The following MASP2 variants were observed in gnomAD, a reference collection of about 807,000 sequenced individuals.
MASP2 encodes MBL associated serine protease 2, also known as mannan-binding lectin serine protease 2.
Under a neutral mutation model 57.1 loss-of-function variants are expected in MASP2, and 49 were observed. That is an observed-to-expected ratio of 0.86 (90% CI 0.68 to 1.09). The LOEUF (loss-of-function observed/expected upper bound fraction) is 1.09. Ranked by LOEUF, MASP2 falls within the 50% of genes least tolerant of loss-of-function variation. The pLI is 0.00. For synonymous variants in MASP2, 379 were observed against 340.8 expected, an observed-to-expected ratio of 1.11 and a Z score of -1.24; for missense variants, 900 against 874.8, an observed-to-expected ratio of 1.03 and a Z score of -0.36.
chr1:11,034,934 T>A, intron 7 of MASP2, 28 bp from the exon 8 acceptor site: 1 of 1,488,638 alleles, frequency 6.7e-7, no homozygotes, highest in Non-Finnish European at 9.3e-7. Flanking sequence ...ATATATTAAT[T>A]TCCTTGTTTA....
At position 11,028,697 on chromosome 1, in the gene MASP2, G is replaced by GT. The variant is rs1208974169; in HGVS notation, c.1298-1050dup. Among the ~76,000 whole-genome samples the GT allele has an allele frequency of 7.4e-3, 268 of 36,100 alleles. 4 individuals carry two copies. Among genetic ancestry groups the GT allele is most frequent in the South Asian group, 0.032 (40 of 1,246 alleles). 23.7% of individuals were successfully genotyped at this position (36,100 alleles called of 152,430 possible). ...AATTAATATATTACTATCTTTCTGG[G>GT]TTTTTTTTCTTTTTTTTTTTTTTTT... is the stretch of plus-strand genomic sequence containing the variant. On this transcript the variant is annotated intron_variant, in intron 10 of 10. Coordinates refer to ENST00000400897, the MANE Select transcript of MASP2 (RefSeq NM_006610.4).
rs1318113137 is a variant in MASP2 at position 11,046,636 on chromosome 1, G to C, written c.332C>G (p.Ser111Cys). The change falls in exon 3 of 11, where the codon TCC becomes TGC. Residue 111 changes from serine to cysteine, a missense_variant. Transcript: ENST00000400897. ...GGAGCGGAAGGTAATGTCCAGGCTG[G>C]AGCCCAGCGAGTAGAAAGTGTCCTT... Reference protein sequence around the residue: ...PGKDTFYSLGSSLDITFRSDY... With the variant: ...PGKDTFYSLGCSLDITFRSDY... The C allele has an allele frequency of 3.7e-6, 6 of 1,613,532 alleles. No homozygotes were observed.
At position 11,030,732 on chromosome 1, in the gene MASP2, T is replaced by A. The variant is rs528482424; in HGVS notation, c.1222+16A>T. Reference sequence around the variant, plus strand: ...TCCAAGTATTGCCCACCCCCAACTTTGAAGAATTTGCATACCATCATTCAC... The same window carrying A: ...TCCAAGTATTGCCCACCCCCAACTTAGAAGAATTTGCATACCATCATTCAC... On this transcript the variant is annotated intron_variant, in intron 9 of 10. Transcript: ENST00000400897. 10 of 1,586,274 alleles carry A rather than the reference T, an allele frequency of 6.3e-6. No individual in the cohort carries two copies. The East Asian group carries it at 2.3e-4, about 36-fold the overall frequency.
At chr1:11,046,486 G>T in intron 3 of MASP2, 70 bp downstream of exon 3, 1 of 1,559,622 alleles carries the variant, frequency 6.4e-7, no homozygotes, top group Non-Finnish European at 8.8e-7. Flanking sequence ...AGGGCTGCCT[G>T]GCCTAAGACA....
At position 11,030,897 on chromosome 1, in the gene MASP2, T is replaced by G. The variant is rs1570737963; in HGVS notation, c.1088-15A>C. On this transcript the variant is annotated splice_polypyrimidine_tract_variant and intron_variant, in intron 8 of 10. Transcript: ENST00000400897. ...ACAGTCAACAACTAAGAAAGAAGCA[T>G]GGGAGGGAGGAATCCATTGATCATT... 1.9e-6 allele frequency: 3 copies of G among 1,609,674 alleles called. No individual in the cohort carries two copies. Among genetic ancestry groups the G allele is most frequent in the Non-Finnish European group, 2.5e-6 (3 of 1,178,384 alleles).
At chr1:11,038,414 G>A (rs191184969) in intron 6 of MASP2, among the ~76,000 whole-genome samples, 1 of 152,290 alleles carries the variant, frequency 6.6e-6, no homozygotes, top group East Asian at 1.9e-4. Context: ...AAAACCGGCT[G>A]ACAGACTTGA....
At chr1:11,029,001 CT>C (rs1177051448) in intron 10 of MASP2, among the ~76,000 whole-genome samples, 3 of 129,990 alleles carry the variant, frequency 2.3e-5, no homozygotes, top group African/African-American at 2.8e-5. Flanking sequence ...TTCTTTTTCT[CT>C]TTTTTTTTGA....
Position 11,027,215 on chromosome 1 carries a change from T to G in MASP2, c.1731A>C (p.Gln577His), listed in dbSNP as rs144471433. 1.7e-3 allele frequency: 2,792 copies of G among 1,614,208 alleles called. 67 individuals are homozygous for G. In the East Asian group the frequency reaches 0.05, roughly 29 times the overall value. Residue 577 changes from glutamine to histidine, a missense_variant, in exon 11 of 11, where the codon CAA (glutamine) becomes CAC (histidine). Transcript: ENST00000400897. ...TTAGATTTCTAGCAAGAAAACCCCT[T>G]TGGGTTAATCCCCATCCAGATGCAG... ...IGTASGWGLT[Q>H]RGFLARNLMY...
intron 7 of MASP2, among the ~76,000 whole-genome samples, chr1:11,036,219 A>C (rs1268240370): frequency 1.3e-5 from 2 of 152,142 alleles, no homozygotes; most frequent in Non-Finnish European, 1.5e-5. Flanking sequence ...GAAACTAAAG[A>C]AGTCGCCGGG....
At chr1:11,044,767 C>CCCA in intron 4 of MASP2, 1 of 1,235,662 alleles carries the variant, frequency 8.1e-7, no homozygotes, top group Non-Finnish European at 1.1e-6. Context: ...CGCCTCCCGA[C>CCCA]CCTCCCACCC....
In MASP2 at chr1:11,031,477, C is replaced by T. The variant is rs578109482; in HGVS notation, c.1088-595G>A. 3.7e-4 allele frequency among the ~76,000 whole-genome samples: 48 copies of T among 131,372 alleles called. 1 individual carries two copies. The South Asian group carries it at 0.011, about 29-fold the overall frequency. The allele number at this position is 131,372 out of a possible 152,430, so 86.2% of individuals were successfully genotyped here. Reference sequence around the variant, plus strand: ...CCGGGAGGCGGAGCTTGCAGAGAGCCAAGATGGCACCACTTCACTCCAGCC... The same window carrying T: ...CCGGGAGGCGGAGCTTGCAGAGAGCTAAGATGGCACCACTTCACTCCAGCC... On this transcript the variant is annotated intron_variant, in intron 8 of 10. Coordinates refer to ENST00000400897, the MANE Select transcript of MASP2 (RefSeq NM_006610.4).
chr1:11,045,540 C>A lies in MASP2; in HGVS notation c.413-1G>T, dbSNP rs1638611823. On this transcript the variant is annotated splice_acceptor_variant, in intron 3 of 10. Coordinates refer to ENST00000400897, the MANE Select transcript of MASP2 (RefSeq NM_006610.4). LOFTEE classifies it high-confidence loss of function. The stretch of plus-strand genomic sequence containing the variant: ...GGGGCCACCTGGCACTCGTCAATGT[C>A]TGGGGGAGAGGCAGGGCCAGGCAGG... 6.2e-7 allele frequency: 1 copy of A among 1,604,284 alleles called. No homozygotes were observed. Among genetic ancestry groups the A allele is most frequent in the Non-Finnish European group, 8.5e-7 (1 of 1,176,858 alleles).
In MASP2 at chr1:11,027,635, T is replaced by C. The variant is rs1374957463; in HGVS notation, c.1311A>G (p.Ser437=). ...LPVCEPVCGL[S]ARTTGGRIYG... ...ATATACGCCCTCCTGTTGTGCGGGC[T>C]GATAGTCCACAAACTGGAGAAAGAA... The change falls in exon 11 of 11, where the codon TCA becomes TCG. Residue 437 remains serine (S), a synonymous_variant. Transcript: ENST00000400897. 6.2e-7 allele frequency: 1 copy of C among 1,604,996 alleles called. No individual in the cohort carries two copies. Among genetic ancestry groups the C allele is most frequent in the Admixed American group, 1.7e-5 (1 of 58,150 alleles).
At chr1:11,037,607 CT>C in intron 7 of MASP2, 85 bp downstream of exon 7, 1 of 801,038 alleles carries the variant, frequency 1.2e-6, no homozygotes, top group Non-Finnish European at 1.9e-6. Flanking sequence ...GATTTTCTCA[CT>C]TTCCTTTCAC....
In MASP2 at chr1:11,042,180, A is replaced by T. The variant is rs568889333; in HGVS notation, c.889+695T>A. Among the ~76,000 whole-genome samples, 4 of 149,112 alleles carry T rather than the reference A, an allele frequency of 2.7e-5. No homozygotes were observed. The East Asian group carries it at 8.0e-4, about 30-fold the overall frequency. On this transcript the variant is annotated intron_variant, in intron 6 of 10. Coordinates refer to ENST00000400897, the MANE Select transcript of MASP2 (RefSeq NM_006610.4). ...GAAGGATGGATGGATGGATGGACAG[A>T]CAGGACGATGGGTGTATGGATGGAT...
chr1:11,028,497 C>A (rs558751200), intron 10 of MASP2, among the ~76,000 whole-genome samples: 1 of 152,136 alleles, frequency 6.6e-6, no homozygotes, highest in African/African-American at 2.4e-5. Context: ...TATTTTTGGT[C>A]TAGTTGATTC....
Position 11,037,714 on chromosome 1 carries a change from C to T in MASP2, c.987G>A (p.Glu329=). The part of the protein sequence containing the change: ...ILKDSFSIFC[E]TGYELLQGHL... ...TCACTTGCAGAAGCTCATAGCCAGT[C>T]TCGCAAAAGATGGAGAAGCTGTCTT... is the stretch of plus-strand genomic sequence containing the variant. Residue 329 remains glutamate, a synonymous_variant, in exon 7 of 11, where the codon GAG becomes GAA. Coordinates refer to ENST00000400897, the MANE Select transcript of MASP2 (RefSeq NM_006610.4). 12 of 1,611,084 alleles carry T rather than the reference C, an allele frequency of 7.4e-6. No homozygotes were observed. Among genetic ancestry groups the T allele is most frequent in the Non-Finnish European group, 1.0e-5 (12 of 1,179,008 alleles).
intron 4 of MASP2, among the ~76,000 whole-genome samples, chr1:11,044,200 C>T (rs906329647): frequency 6.6e-6 from 1 of 152,174 alleles, no homozygotes; most frequent in African/African-American, 2.4e-5. Context: ...GCCCTGGGGG[C>T]TGCTCCTGGA....
At chr1:11,029,781 G>A (rs925049163) in intron 10 of MASP2, 4 of 160,258 alleles carry the variant, frequency 2.5e-5, no homozygotes, top group Non-Finnish European at 4.0e-5. Context: ...TGGGATTACA[G>A]GCATGTACCA....
Sources: gnomAD v4.1 joint callset for allele counts (sites outside exome capture counted in the v4.1 genomes callset) on GRCh38, gnomAD v4.1.1 for gene constraint, MANE v1.5 for transcripts, NCBI Gene and HGNC (gene_info 2026-07-23, HGNC 2026-07-21) for gene names.